The following UBE2K variants were observed in gnomAD, a reference collection of about 807,000 sequenced individuals.
UBE2K encodes the protein ubiquitin-conjugating enzyme E2 K.
Under a neutral mutation model 30.0 loss-of-function variants are expected in UBE2K, and 6 were observed. The ratio of observed to expected loss-of-function variants is 0.20; its 90% CI spans 0.11 to 0.39. The LOEUF is 0.39. Among genes scored for constraint, UBE2K ranks in the 10% least tolerant of loss-of-function variants. The pLI, the probability that UBE2K is intolerant of heterozygous loss-of-function variation, is 1.00. For missense variants in UBE2K, 61 were observed against 241.6 expected, an observed-to-expected ratio of 0.25 and a Z score of 4.96; for synonymous variants, 86 against 83.7, an observed-to-expected ratio of 1.03 and a Z score of -0.15.
intron 2 of UBE2K, among the ~76,000 whole-genome samples, chr4:39,740,804 A>C (rs1050973441): frequency 1.4e-5 from 2 of 147,954 alleles, no homozygotes; most frequent in East Asian, 4.0e-4. Context: ...CGGAGCTTGC[A>C]GTGAGCCGAG....
At chr4:39,732,327 TA>T (rs1720118278) in intron 1 of UBE2K, among the ~76,000 whole-genome samples, 1 of 152,198 alleles carries the variant, frequency 6.6e-6, no homozygotes, top group Non-Finnish European at 1.5e-5. Context: ...CCTTAAATGA[TA>T]AAATCTTCCA....
chr4:39,704,490 C>T (rs1360850387), intron 1 of UBE2K, among the ~76,000 whole-genome samples: 1 of 151,990 alleles, frequency 6.6e-6, no homozygotes, highest in Non-Finnish European at 1.5e-5. Context: ...ACTTTGAGCT[C>T]TGTCCATTGG....
At chr4:39,771,449 G>T in intron 4 of UBE2K, 1 of 1,580,734 alleles carries the variant, frequency 6.3e-7, no homozygotes, top group South Asian at 1.1e-5. Context: ...TGGCGGGGGT[G>T]GGCAACCCTG....
chr4:39,700,341 C>G lies in UBE2K; in HGVS notation c.63+1951C>G, dbSNP rs145386279. Among the ~76,000 whole-genome samples the G allele has an allele frequency of 5.6e-3, 852 of 152,160 alleles. 10 individuals are homozygous for G. Among genetic ancestry groups the G allele is most frequent in the Non-Finnish European group, 6.7e-3 (454 of 67,954 alleles). On this transcript the variant is annotated intron_variant, in intron 1 of 6. Transcript: ENST00000261427. ...TCAAAAGTGTTTCAGAAGAAGAAAA[C>G]AGGAAATGCAAACAGACAGGTTTTT...
At chr4:39,731,257 T>C (rs1294104894) in intron 1 of UBE2K, among the ~76,000 whole-genome samples, 1 of 152,152 alleles carries the variant, frequency 6.6e-6, no homozygotes, top group Non-Finnish European at 1.5e-5. Flanking sequence ...TTACATTATA[T>C]TGTATTGGAT....
At chr4:39,773,498 A>G (rs1465598575) in intron 4 of UBE2K, among the ~76,000 whole-genome samples, 1 of 151,804 alleles carries the variant, frequency 6.6e-6, no homozygotes, top group Non-Finnish European at 1.5e-5. Context: ...AAAAGAAAAT[A>G]TATTTGTTTC....
intron 4 of UBE2K, among the ~76,000 whole-genome samples, chr4:39,768,276 C>CAAAAAAAA (rs35596173): frequency 8.9e-4 from 101 of 113,546 alleles, no homozygotes; most frequent in African/African-American, 3.3e-3. Flanking sequence ...CCGTCTCTAC[C>CAAAAAAAA]AAAAAAAAAA....
At chr4:39,763,826 A>G (rs1266383837) in intron 4 of UBE2K, among the ~76,000 whole-genome samples, 1 of 152,072 alleles carries the variant, frequency 6.6e-6, no homozygotes, top group African/African-American at 2.4e-5. Flanking sequence ...TGCAGCCTCA[A>G]CCTTCCAGGC....
At chr4:39,770,020 A>G (rs762653018) in intron 4 of UBE2K, 43 of 1,378,806 alleles carry the variant, frequency 3.1e-5, no homozygotes, top group Non-Finnish European at 3.8e-5. Context: ...CTCCTGGGCC[A>G]AAGAGCCCTT....
chr4:39,732,769 G>A (rs1404355204), intron 1 of UBE2K, among the ~76,000 whole-genome samples: 3 of 144,858 alleles, frequency 2.1e-5, no homozygotes, highest in South Asian at 2.2e-4. Flanking sequence ...TCTGCCTCCC[G>A]GGTTCAAGCA....
At chr4:39,771,725 G>C (rs1712881643) in intron 4 of UBE2K, among the ~76,000 whole-genome samples, 1 of 152,190 alleles carries the variant, frequency 6.6e-6, no homozygotes. Context: ...TGATTCAGTA[G>C]CTCTGGGATA....
intron 4 of UBE2K, among the ~76,000 whole-genome samples, chr4:39,757,154 T>G (rs1366699213): frequency 6.6e-6 from 1 of 151,868 alleles, no homozygotes; most frequent in East Asian, 1.9e-4. Context: ...GCCTCCCGAG[T>G]AGCTGGGACT....
intron 1 of UBE2K, 28 bp downstream of exon 1, chr4:39,698,418 C>T (rs779935046): frequency 6.3e-7 from 1 of 1,598,446 alleles, no homozygotes; most frequent in Non-Finnish European, 8.5e-7. Context: ...GGATATCCCC[C>T]ACCTCTGCCT....
chr4:39,728,066 G>A (rs1719853913), intron 1 of UBE2K, among the ~76,000 whole-genome samples: 1 of 152,060 alleles, frequency 6.6e-6, no homozygotes, highest in Admixed American at 6.6e-5. Flanking sequence ...CCCGGGTGGT[G>A]GAGGTTGCAG....
chr4:39,718,010 G>A (rs1719192854), intron 1 of UBE2K, among the ~76,000 whole-genome samples: 1 of 152,090 alleles, frequency 6.6e-6, no homozygotes, highest in Non-Finnish European at 1.5e-5. Flanking sequence ...AGAGTGAGCA[G>A]TAGCAAGATT....
intron 4 of UBE2K, among the ~76,000 whole-genome samples, chr4:39,768,494 A>T (rs1712504346): frequency 6.6e-6 from 1 of 151,880 alleles, no homozygotes; most frequent in Admixed American, 6.6e-5. Flanking sequence ...GAAAGACAAG[A>T]ATGAACATTT....
intron 1 of UBE2K, among the ~76,000 whole-genome samples, chr4:39,733,332 A>ATTTTTTTT (rs34069872): frequency 7.8e-6 from 1 of 129,020 alleles, no homozygotes; most frequent in Non-Finnish European, 1.6e-5. Flanking sequence ...TCGGGCTTTA[A>ATTTTTTTT]TTTTTTTTTT....
intron 1 of UBE2K, among the ~76,000 whole-genome samples, chr4:39,718,736 C>G (rs1458768502): frequency 4.6e-5 from 7 of 152,236 alleles, no homozygotes; most frequent in Non-Finnish European, 1.0e-4. Context: ...TCCGCAGCTG[C>G]TGGCCTGGGT....
intron 1 of UBE2K, among the ~76,000 whole-genome samples, chr4:39,722,982 C>T (rs979326378): frequency 1.3e-5 from 2 of 151,700 alleles, no homozygotes; most frequent in African/African-American, 4.8e-5. Context: ...GATGGAATTT[C>T]ACCATGTTGG....
Sources: allele counts gnomAD v4.1 joint callset (sites outside exome capture counted in the v4.1 genomes callset), GRCh38; gene constraint gnomAD v4.1.1; transcripts MANE v1.5; gene names NCBI Gene and HGNC (gene_info 2026-07-23, HGNC 2026-07-21).